Variants in SRR observed in about 807,000 individuals in gnomAD.
SRR encodes serine racemase.
SRR carries 19 observed loss-of-function variants against 32.7 expected under a neutral mutation model. The observed-to-expected ratio is 0.58, with a 90% CI of 0.40 to 0.85. SRR has a LOEUF of 0.85. Ranked by LOEUF, SRR falls within the 40% of genes least tolerant of loss-of-function variation. The probability of loss-of-function intolerance (pLI) is 0.00; values close to 1 mark genes in which losing one functional copy is unlikely to be tolerated. For synonymous variants in SRR, 142 were observed against 140.9 expected (o/e 1.01, Z -0.06); for missense variants, 373 against 404.7 (o/e 0.92, Z 0.67).
chr17:2,323,015 T>C, intron 6 of SRR, 121 bp from the exon 7 acceptor site: 1 of 1,003,274 alleles, frequency 1.0e-6, no homozygotes, highest in Non-Finnish European at 1.5e-6. Flanking sequence ...TCCACCCGCC[T>C]CGGGCTCCCA....
chr17:2,316,852 A>AC (rs2075477173), intron 2 of SRR, among the ~76,000 whole-genome samples: 1 of 149,352 alleles, frequency 6.7e-6, no homozygotes, highest in African/African-American at 2.5e-5. Context: ...ACCTGGGACT[A>AC]CAGGCGCCTG....
Position 2,324,016 on chromosome 17 carries a change from G to A in SRR, c.*143G>A. The A allele has an allele frequency of 6.8e-6, 8 of 1,172,284 alleles. No individual in the cohort carries two copies. Among genetic ancestry groups the A allele is most frequent in the Non-Finnish European group, 9.5e-6 (8 of 839,314 alleles). 72.6% of individuals were successfully genotyped at this position (1,172,284 alleles called of 1,614,324 possible). On this transcript the variant is annotated 3_prime_UTR_variant, in exon 8 of 8. Transcript: ENST00000344595. ...GATTTAATAGTTTTTTTTGGACTAA[G>A]TAGTGGAAAAACTTTTATACTTAAC... is the stretch of plus-strand genomic sequence containing the variant.
At chr17:2,307,228 G>T in intron 1 of SRR, 1 of 1,279,772 alleles carries the variant, frequency 7.8e-7, no homozygotes, top group South Asian at 1.2e-5. Flanking sequence ...TGATGATCAT[G>T]ACTCCGTGGA....
intron 1 of SRR, among the ~76,000 whole-genome samples, chr17:2,313,168 G>A (rs776804931): frequency 1.3e-5 from 2 of 152,310 alleles, no homozygotes; most frequent in Admixed American, 6.5e-5. Flanking sequence ...AGTGGCTCAC[G>A]CCTGTAATCC....
intron 2 of SRR, among the ~76,000 whole-genome samples, chr17:2,316,788 C>G (rs958223981): frequency 6.6e-6 from 1 of 152,042 alleles, no homozygotes; most frequent in Non-Finnish European, 1.5e-5. Flanking sequence ...TCTCGGCTCA[C>G]TGTAAGCTCC....
In SRR at chr17:2,323,924, A is replaced by G; in HGVS notation, c.*51A>G. The stretch of plus-strand genomic sequence containing the variant: ...TTCAGTGTCTTTAGATACTGAAGAC[A>G]TTTTGTTTCCTAGTATTGTCAACTC... On this transcript the variant is annotated 3_prime_UTR_variant, in exon 8 of 8. Transcript: ENST00000344595. 2 of 1,516,176 alleles carry G rather than the reference A, an allele frequency of 1.3e-6. No homozygotes were observed. The highest frequency in any genetic ancestry group is 2.3e-5 in the South Asian group (2 of 86,596). 93.9% of individuals were successfully genotyped at this position (1,516,176 alleles called of 1,614,324 possible). A position where few individuals can be genotyped will look rare whatever the true frequency, so the allele number is the denominator to read the frequency against.
chr17:2,304,211 C>T (rs1285921631), intron 1 of SRR, among the ~76,000 whole-genome samples, 194 bp downstream of exon 1: 3 of 151,422 alleles, frequency 2.0e-5, no homozygotes, highest in Admixed American at 2.0e-4. Context: ...CGGGCCATTA[C>T]TTGGGACCTT....
intron 1 of SRR, among the ~76,000 whole-genome samples, chr17:2,308,801 CAG>C (rs2075412964): frequency 6.6e-6 from 1 of 150,376 alleles, no homozygotes; most frequent in South Asian, 2.1e-4. Flanking sequence ...AGCCTGGTGA[CAG>C]AGTGAGACTC....
At position 2,311,868 on chromosome 17, in the gene SRR, T is replaced by G. The variant is rs149268871; in HGVS notation, c.-4-3689T>G. Among the ~76,000 whole-genome samples the G allele has an allele frequency of 4.7e-3, 708 of 152,144 alleles. 7 individuals carry two copies. Among genetic ancestry groups the G allele is most frequent in the African/African-American group, 0.016 (673 of 41,536 alleles). On this transcript the variant is annotated intron_variant, in intron 1 of 7. Coordinates refer to ENST00000344595, the MANE Select transcript of SRR (RefSeq NM_021947.3). ...CCCCAACCATTCATAGAAATTTAAT[T>G]TTTGATAAATAGAGCATTTCAGAGG...
chr17:2,325,083 G>C lies in SRR; in HGVS notation c.*1210G>C. The C allele has an allele frequency of 3.4e-6, 2 of 592,994 alleles. No homozygotes were observed. The highest frequency in any genetic ancestry group is 5.7e-5 in the East Asian group (2 of 34,834). 36.7% of individuals were successfully genotyped at this position (592,994 alleles called of 1,614,324 possible). A position where few individuals can be genotyped will look rare whatever the true frequency, so the allele number is the denominator to read the frequency against. On this transcript the variant is annotated 3_prime_UTR_variant, in exon 8 of 8. Coordinates refer to ENST00000344595, the MANE Select transcript of SRR (RefSeq NM_021947.3). ...TCAGTTGTTACAAGGAAAGGATGTT[G>C]AACAAAAGGCAGTTATTTGAGGACT... is the stretch of plus-strand genomic sequence containing the variant.
chr17:2,306,747 C>A, intron 1 of SRR: 1 of 608,416 alleles, frequency 1.6e-6, no homozygotes, highest in Non-Finnish European at 2.9e-6. Flanking sequence ...ACTTTCCACC[C>A]ATGGACACCG....
Position 2,324,679 on chromosome 17 carries a change from T to G in SRR, c.*806T>G, listed in dbSNP as rs2075563795. The G allele has an allele frequency of 1.9e-6, 3 of 1,614,032 alleles. No individual in the cohort carries two copies. Among genetic ancestry groups the G allele is most frequent in the Non-Finnish European group, 2.5e-6 (3 of 1,179,994 alleles). On this transcript the variant is annotated 3_prime_UTR_variant, in exon 8 of 8. Coordinates refer to ENST00000344595, the MANE Select transcript of SRR (RefSeq NM_021947.3). ...GGCAATCAGATCCCATCCTCCTCCT[T>G]CATACCCACCTCTGTTGAAGAACAT...
At chr17:2,316,965 G>A (rs969684182) in intron 2 of SRR, among the ~76,000 whole-genome samples, 1 of 146,198 alleles carries the variant, frequency 6.8e-6, no homozygotes, top group Admixed American at 6.9e-5. Flanking sequence ...CTTGTGATCC[G>A]CCCGCCTCTG....
intron 1 of SRR, among the ~76,000 whole-genome samples, chr17:2,314,434 T>A (rs538420984): frequency 6.6e-6 from 1 of 151,942 alleles, no homozygotes; most frequent in Non-Finnish European, 1.5e-5. Context: ...ATACAAAAAA[T>A]TAGCCAGGCA....
intron 4 of SRR, among the ~76,000 whole-genome samples, chr17:2,319,218 A>G (rs1305440304): frequency 6.6e-6 from 1 of 152,152 alleles, no homozygotes; most frequent in Non-Finnish European, 1.5e-5. Context: ...ATCTCAAACT[A>G]CAGCTAAAAC....
chr17:2,307,351 A>G (rs1330638200), intron 1 of SRR: 10 of 1,045,306 alleles, frequency 9.6e-6, no homozygotes, highest in Middle Eastern at 3.0e-4. Context: ...AGGTCAAAGT[A>G]CTTCTGGAAA....
At chr17:2,316,949 T>TCTC (rs1335911981) in intron 2 of SRR, among the ~76,000 whole-genome samples, 1 of 148,306 alleles carries the variant, frequency 6.7e-6, no homozygotes, top group African/African-American at 2.5e-5. Context: ...ATGTTCTTGA[T>TCTC]CTGACCTTGT....
intron 6 of SRR, 106 bp downstream of exon 6, chr17:2,321,722 C>T (rs2075530345): frequency 3.0e-6 from 3 of 986,988 alleles, no homozygotes; most frequent in South Asian, 1.4e-5. Flanking sequence ...ACCATTCCTT[C>T]CCCTTATTCC....
rs763949797 is a variant in SRR, at chr17:2,323,153, G to A, written c.612G>A (p.Val204=). The change falls in exon 7 of 8, where the codon GTG becomes GTA. Residue 204 remains valine (V), a synonymous_variant. Coordinates refer to ENST00000344595, the MANE Select transcript of SRR (RefSeq NM_021947.3). ...AITVKALKPS[V]KVYAAEPSNA... ...CTTCCCAGGCTCTGAAACCTAGTGT[G>A]AAGGTATATGCTGCTGAACCCTCAA... 1.2e-6 allele frequency: 2 copies of A among 1,614,208 alleles called. No individual in the cohort carries two copies. Among genetic ancestry groups the A allele is most frequent in the East Asian group, 4.5e-5 (2 of 44,882 alleles).
Sources: allele counts gnomAD v4.1 joint callset (sites outside exome capture counted in the v4.1 genomes callset), GRCh38; gene constraint gnomAD v4.1.1; transcripts MANE v1.5; gene names NCBI Gene and HGNC (gene_info 2026-07-23, HGNC 2026-07-21).